NUDT3: variants seen among roughly 807,000 people sequenced by gnomAD.
The protein encoded by NUDT3 is diphosphoinositol polyphosphate phosphohydrolase 1.
NUDT3 carries 9 observed loss-of-function variants against 23.6 expected under a neutral mutation model. The observed-to-expected ratio is 0.38, with a 90% CI of 0.23 to 0.66. The LOEUF is 0.66. Ranked by LOEUF, NUDT3 falls within the 30% of genes least tolerant of loss-of-function variation. The pLI is 0.52. For missense variants in NUDT3, 172 were observed against 218.5 expected (o/e 0.79, Z 1.34); for synonymous variants, 86 against 82.6 (o/e 1.04, Z -0.22).
intron 2 of NUDT3, among the ~76,000 whole-genome samples, chr6:34,329,587 A>C (rs890463657): frequency 3.3e-5 from 5 of 151,950 alleles, no homozygotes; most frequent in African/African-American, 7.3e-5. Context: ...AGTCAAGAAC[A>C]ACCATTCTTT....
intron 2 of NUDT3, among the ~76,000 whole-genome samples, chr6:34,337,001 T>G (rs1053105128): frequency 3.9e-5 from 6 of 152,228 alleles, no homozygotes; most frequent in Non-Finnish European, 8.8e-5. Flanking sequence ...TCTATCAACA[T>G]TTCAAGTCTC....
intron 4 of NUDT3, 71 bp from the exon 5 acceptor site, chr6:34,289,002 A>G: frequency 6.8e-7 from 1 of 1,467,704 alleles, no homozygotes; most frequent in Non-Finnish European, 9.0e-7. Flanking sequence ...TTTTGAGAAA[A>G]TATAGAAAAC....
At chr6:34,291,503 T>C (rs969266196) in intron 4 of NUDT3, among the ~76,000 whole-genome samples, 1 of 151,876 alleles carries the variant, frequency 6.6e-6, no homozygotes, top group Non-Finnish European at 1.5e-5. Context: ...TTCTTTAACA[T>C]TGACAAAAAT....
chr6:34,315,784 C>A (rs56188036), intron 2 of NUDT3, among the ~76,000 whole-genome samples: 1 of 152,094 alleles, frequency 6.6e-6, no homozygotes, highest in African/African-American at 2.4e-5. Flanking sequence ...AGTCTCTATA[C>A]ACAACAGGCA....
chr6:34,341,015 G>A (rs1478754872), intron 2 of NUDT3, among the ~76,000 whole-genome samples: 1 of 152,138 alleles, frequency 6.6e-6, no homozygotes. Flanking sequence ...TTTTTTATAT[G>A]TTCTTAGAAT....
At chr6:34,291,298 TC>T (rs1360020528) in intron 4 of NUDT3, among the ~76,000 whole-genome samples, 1 of 151,982 alleles carries the variant, frequency 6.6e-6, no homozygotes, top group African/African-American at 2.4e-5. Context: ...TTTAAAACGT[TC>T]CCCGTTTTTT....
chr6:34,384,646 C>A (rs1765075506), intron 1 of NUDT3, among the ~76,000 whole-genome samples: 1 of 152,094 alleles, frequency 6.6e-6, no homozygotes, highest in African/African-American at 2.4e-5. Flanking sequence ...ATCATATTAC[C>A]CAATTTTGGA....
At position 34,288,679 on chromosome 6, in the gene NUDT3, G is replaced by C. The variant is rs550534892; in HGVS notation, c.*74C>G. ...AGAGGAGGCCTGTGAGAAGTGGAAA[G>C]AGCCAGGGTGAGAGGGAAGATTTGC... On this transcript the variant is annotated 3_prime_UTR_variant, in exon 5 of 5. Transcript: ENST00000607016. The C allele has an allele frequency of 6.5e-7, 1 of 1,529,994 alleles. No individual in the cohort carries two copies. Among genetic ancestry groups the C allele is most frequent in the Non-Finnish European group, 8.8e-7 (1 of 1,140,854 alleles). The allele number at this position is 1,529,994 out of a possible 1,614,324, so 94.8% of individuals were successfully genotyped here. A position where few individuals can be genotyped will look rare whatever the true frequency, so the allele number is the denominator to read the frequency against.
At chr6:34,293,076 T>C (rs543531597) in intron 4 of NUDT3, among the ~76,000 whole-genome samples, 11 of 152,328 alleles carry the variant, frequency 7.2e-5, no homozygotes, top group African/African-American at 2.4e-4. Flanking sequence ...TTTTTGTTTG[T>C]TTTTGAGACA....
intron 2 of NUDT3, among the ~76,000 whole-genome samples, chr6:34,299,880 G>A (rs925294778): frequency 1.5e-4 from 22 of 150,264 alleles, no homozygotes; most frequent in African/African-American, 5.4e-4. Flanking sequence ...TCCAGCCTGG[G>A]TGACACAGTG....
At chr6:34,292,680 C>T (rs977766780) in intron 4 of NUDT3, among the ~76,000 whole-genome samples, 9 of 152,022 alleles carry the variant, frequency 5.9e-5, no homozygotes, top group African/African-American at 2.2e-4. Flanking sequence ...CTGCACTATT[C>T]TGTATCTACT....
intron 2 of NUDT3, among the ~76,000 whole-genome samples, chr6:34,336,221 C>A (rs1327722586): frequency 6.6e-6 from 1 of 152,002 alleles, no homozygotes; most frequent in Non-Finnish European, 1.5e-5. Flanking sequence ...GTGAGCACTC[C>A]AGCCTGGATG....
At chr6:34,297,842 G>A (rs1321329726) in intron 2 of NUDT3, among the ~76,000 whole-genome samples, 2 of 140,082 alleles carry the variant, frequency 1.4e-5, no homozygotes, top group Admixed American at 7.3e-5. Flanking sequence ...TGATCTGCCC[G>A]CCTCAGCCTC....
rs1763535832 is a variant in NUDT3, at chr6:34,297,760, A to ATATATATATTTTTT, written c.211-2076_211-2075insAAAAAATATATATA. On this transcript the variant is annotated intron_variant, in intron 2 of 4. Coordinates refer to ENST00000607016, the MANE Select transcript of NUDT3 (RefSeq NM_006703.4). Reference sequence around the variant, plus strand: ...ATATATATATATATATATATATATAATTTTTTTTTTTTTTTTAGTAGAGAC... The same window carrying ATATATATATTTTTT: ...ATATATATATATATATATATATATAATATATATATTTTTTTTTTTTTTTTTTTTTTAGTAGAGAC... Among the ~76,000 whole-genome samples the ATATATATATTTTTT allele has an allele frequency of 6.6e-3, 354 of 53,322 alleles. 3 individuals carry two copies. The highest frequency in any genetic ancestry group is 9.3e-3 in the Non-Finnish European group (300 of 32,214). 35.0% of individuals were successfully genotyped at this position (53,322 alleles called of 152,430 possible).
rs797019488 is a variant in NUDT3 at position 34,351,212 on chromosome 6, A to AC, written c.100-9241_100-9240insG. ...ACTCCCCTGCCTAAAAAAAAAAAAA[A>AC]AAAAAAAAAAAAAACACTTTGGGAG... On this transcript the variant is annotated intron_variant, in intron 1 of 4. Coordinates refer to ENST00000607016, the MANE Select transcript of NUDT3 (RefSeq NM_006703.4). Among the ~76,000 whole-genome samples, 69 of 134,634 alleles carry AC rather than the reference A, an allele frequency of 5.1e-4. 4 individuals are homozygous for AC. In the East Asian group the frequency reaches 5.6e-3, roughly 11 times the overall value. 88.3% of individuals were successfully genotyped at this position (134,634 alleles called of 152,430 possible).
At chr6:34,351,198 T>TTAAAAAAAAAAAAAAA (rs1764462307) in intron 1 of NUDT3, among the ~76,000 whole-genome samples, 4 of 17,894 alleles carry the variant, frequency 2.2e-4, no homozygotes, top group Non-Finnish European at 3.4e-4. Context: ...CTCCCCTGCC[T>TTAAAAAAAAAAAAAAA]AAAAAAAAAA....
rs77387160 is a variant in NUDT3 at position 34,340,896 on chromosome 6, A to G, written c.210+966T>C. On this transcript the variant is annotated intron_variant, in intron 2 of 4. Transcript: ENST00000607016. ...TAAGCCAATGTAAGTGTAGGAATTC[A>G]GAGTGAGGAAAGAATTCCTTGGATA... Among the ~76,000 whole-genome samples, 500 of 152,356 alleles carry G rather than the reference A, an allele frequency of 3.3e-3. 2 individuals are homozygous for G. Among genetic ancestry groups the G allele is most frequent in the African/African-American group, 0.01 (417 of 41,588 alleles).
chr6:34,313,335 G>A (rs1763804622), intron 2 of NUDT3, among the ~76,000 whole-genome samples: 1 of 152,168 alleles, frequency 6.6e-6, no homozygotes, highest in African/African-American at 2.4e-5. Flanking sequence ...ATCAGTGGTT[G>A]TCAGGAGTTT....
At chr6:34,367,244 G>C (rs1764750060) in intron 1 of NUDT3, among the ~76,000 whole-genome samples, 1 of 152,006 alleles carries the variant, frequency 6.6e-6, no homozygotes, top group Non-Finnish European at 1.5e-5. Context: ...CACTTTGGGA[G>C]GCTGAGGTGA....
Sources: allele counts gnomAD v4.1 joint callset (sites outside exome capture counted in the v4.1 genomes callset), GRCh38; gene constraint gnomAD v4.1.1; transcripts MANE v1.5; gene names NCBI Gene and HGNC (gene_info 2026-07-23, HGNC 2026-07-21).